Variants in FHIP2A observed in about 807,000 individuals in gnomAD.
FHIP2A encodes the protein FHF complex subunit HOOK interacting protein 2A.
FHIP2A carries 46 observed loss-of-function variants against 93.5 expected under a neutral mutation model. That is an observed-to-expected ratio of 0.49 (90% CI 0.39 to 0.63). The LOEUF (loss-of-function observed/expected upper bound fraction) is 0.63. FHIP2A is among the 20% of genes least tolerant of loss of function. The pLI is 0.00. For synonymous variants in FHIP2A, 332 were observed against 326.5 expected (o/e 1.02, Z -0.18); for missense variants, 769 against 909.7 (o/e 0.85, Z 1.99).
chr10:114,849,415 A>G (rs936658540), intron 13 of FHIP2A, among the ~76,000 whole-genome samples: 1 of 152,160 alleles, frequency 6.6e-6, no homozygotes, highest in Non-Finnish European at 1.5e-5. Flanking sequence ...ATTCACAAGT[A>G]TAGTCCCTCT....
chr10:114,888,308 G>A (rs1352428500), intron 16 of FHIP2A, among the ~76,000 whole-genome samples: 1 of 152,190 alleles, frequency 6.6e-6, no homozygotes, highest in African/African-American at 2.4e-5. Flanking sequence ...GAGATAATAA[G>A]AGGAGCATTC....
At chr10:114,892,496 G>A (rs141833582) in intron 16 of FHIP2A, among the ~76,000 whole-genome samples, 67 of 152,216 alleles carry the variant, frequency 4.4e-4, no homozygotes, top group African/African-American at 1.3e-3. Flanking sequence ...AAATTAGCTG[G>A]GCGAGGTGGC....
At chr10:114,883,802 A>G (rs2083928585) in intron 16 of FHIP2A, among the ~76,000 whole-genome samples, 1 of 151,952 alleles carries the variant, frequency 6.6e-6, no homozygotes, top group Admixed American at 6.6e-5. Flanking sequence ...CTGGTCTCGA[A>G]CTCCCGACCT....
intron 16 of FHIP2A, among the ~76,000 whole-genome samples, chr10:114,872,713 A>T (rs1040807565): frequency 6.6e-6 from 1 of 152,242 alleles, no homozygotes; most frequent in African/African-American, 2.4e-5. Flanking sequence ...ACTTGATTCC[A>T]TAGGCATTTC....
chr10:114,866,655 G>A (rs2083830709), downstream of FHIP2A, among the ~76,000 whole-genome samples: 1 of 152,002 alleles, frequency 6.6e-6, no homozygotes, highest in African/African-American at 2.4e-5. Flanking sequence ...AAATGATTTC[G>A]GCCCTAAAGA....
Position 114,849,807 on chromosome 10 carries a change from C to T in FHIP2A, c.1803+1070C>T, listed in dbSNP as rs564316726. Among the ~76,000 whole-genome samples the T allele has an allele frequency of 2.3e-3, 355 of 152,272 alleles. 3 individuals carry two copies. Among genetic ancestry groups the T allele is most frequent in the African/African-American group, 7.9e-3 (329 of 41,558 alleles). ...CCAACCCCCAGCCCTGGCAGCCGCT[C>T]ATCTACTTTTTGTCTCTATGACTTT... On this transcript the variant is annotated intron_variant, in intron 13 of 16. Coordinates refer to ENST00000369248, the MANE Select transcript of FHIP2A (RefSeq NM_020940.4).
chr10:114,847,323 C>T (rs2083707551), intron 12 of FHIP2A, 90 bp downstream of exon 12: 6 of 1,212,188 alleles, frequency 4.9e-6, no homozygotes, highest in Admixed American at 2.3e-5. Flanking sequence ...GAGTCTTGCT[C>T]TGTTGCCCAC....
At chr10:114,880,937 T>A (rs1234485656) in intron 16 of FHIP2A, among the ~76,000 whole-genome samples, 1 of 152,162 alleles carries the variant, frequency 6.6e-6, no homozygotes, top group Non-Finnish European at 1.5e-5. Context: ...CTTCCCTCCT[T>A]ACAAGGCCAT....
chr10:114,864,005 C>T lies in FHIP2A; in HGVS notation c.*2465C>T. The T allele has an allele frequency of 7.0e-6, 7 of 1,006,752 alleles. No individual in the cohort carries two copies. The highest frequency in any genetic ancestry group is 8.3e-6 in the Non-Finnish European group (7 of 843,144). The allele number at this position is 1,006,752 out of a possible 1,614,324, so 62.4% of individuals were successfully genotyped here. On this transcript the variant is annotated 3_prime_UTR_variant, in exon 17 of 17. Transcript: ENST00000369248. The stretch of plus-strand genomic sequence containing the variant: ...TTAGCCTATTGCCATATAGTACTCA[C>T]CTTATAACTATGTAACTTTCTCGTA...
rs35889495 is a variant in FHIP2A at position 114,884,911 on chromosome 10, C to CAAAA, written c.2193-14567_2193-14564dup. ...CCTGGGCGACAGAGTGAGACTCCATCAAAAAAAAAAAAAAAGCCAATATAT... is the reference window on the plus strand; with the variant it reads ...CCTGGGCGACAGAGTGAGACTCCATCAAAAAAAAAAAAAAAAAAAGCCAATATAT... On this transcript the variant is annotated intron_variant, in intron 16 of 16. Transcript: ENST00000369250. Among the ~76,000 whole-genome samples, 805 of 124,018 alleles carry CAAAA rather than the reference C, an allele frequency of 6.5e-3. 6 individuals carry two copies. Among genetic ancestry groups the CAAAA allele is most frequent in the African/African-American group, 0.023 (776 of 33,718 alleles). The allele number at this position is 124,018 out of a possible 152,430, so 81.4% of individuals were successfully genotyped here.
At chr10:114,870,941 A>G (rs553039031) in intron 16 of FHIP2A, among the ~76,000 whole-genome samples, 5 of 152,156 alleles carry the variant, frequency 3.3e-5, no homozygotes, top group East Asian at 3.9e-4. Flanking sequence ...AGAAAGAAGC[A>G]ACTTCCTTCC....
intron 7 of FHIP2A, among the ~76,000 whole-genome samples, chr10:114,845,068 C>T (rs2083692560): frequency 6.6e-6 from 1 of 151,980 alleles, no homozygotes; most frequent in Admixed American, 6.6e-5. Context: ...ACGTTGGCCT[C>T]CCAAAGTGCT....
intron 4 of FHIP2A, 93 bp downstream of exon 4, chr10:114,835,734 A>C: frequency 1.3e-6 from 1 of 796,494 alleles, no homozygotes; most frequent in Non-Finnish European, 1.9e-6. Flanking sequence ...AAAATAATGA[A>C]ATTATTCCAA....
intron 16 of FHIP2A, among the ~76,000 whole-genome samples, chr10:114,878,754 T>C (rs1026466449): frequency 4.3e-5 from 6 of 138,804 alleles, no homozygotes; most frequent in African/African-American, 1.3e-4. Context: ...CACTCCAGCC[T>C]GGGTGACAGA....
chr10:114,864,254 G>C lies in FHIP2A; in HGVS notation c.*2714G>C. ...CATGGTAATGTTTTCATAAATTATTGCATTAACATACAATTGCCATTTAAT... is the reference window on the plus strand; with the variant it reads ...CATGGTAATGTTTTCATAAATTATTCCATTAACATACAATTGCCATTTAAT... On this transcript the variant is annotated 3_prime_UTR_variant, in exon 17 of 17. Transcript: ENST00000369248. 1 of 983,168 alleles carries C rather than the reference G, an allele frequency of 1.0e-6. No homozygotes were observed. Among genetic ancestry groups the C allele is most frequent in the Non-Finnish European group, 1.2e-6 (1 of 827,612 alleles). The allele number at this position is 983,168 out of a possible 1,614,324, so 60.9% of individuals were successfully genotyped here.
rs1017997082 is a variant in FHIP2A at position 114,861,858 on chromosome 10, T to C, written c.*318T>C. On this transcript the variant is annotated 3_prime_UTR_variant, in exon 17 of 17. Coordinates refer to ENST00000369248, the MANE Select transcript of FHIP2A (RefSeq NM_020940.4). ...TGCAATATTTCCAATGTCATGACTTTGATGATATTTCTGTTATATTAATGT... is the reference window on the plus strand; with the variant it reads ...TGCAATATTTCCAATGTCATGACTTCGATGATATTTCTGTTATATTAATGT... 4.9e-6 allele frequency: 5 copies of C among 1,013,758 alleles called. No homozygotes were observed. The highest frequency in any genetic ancestry group is 4.7e-6 in the Non-Finnish European group (4 of 848,128). 62.8% of individuals were successfully genotyped at this position (1,013,758 alleles called of 1,614,324 possible).
intron 1 of FHIP2A, among the ~76,000 whole-genome samples, chr10:114,823,174 G>A (rs2083548999): frequency 6.6e-6 from 1 of 152,082 alleles, no homozygotes; most frequent in Non-Finnish European, 1.5e-5. Context: ...TTATGGGCAG[G>A]CAAAAATGGA....
intron 16 of FHIP2A, among the ~76,000 whole-genome samples, chr10:114,891,368 A>C (rs1386039625): frequency 6.6e-6 from 1 of 151,740 alleles, no homozygotes; most frequent in Non-Finnish European, 1.5e-5. Flanking sequence ...GAAACTGGGT[A>C]ATGTGTCCAT....
rs1216773850 is a variant in FHIP2A, at chr10:114,846,577, C to T, written c.1417C>T (p.Arg473Ter). Residue 473 changes from arginine to a stop codon, truncating the protein, a stop_gained, in exon 11 of 17, where the codon CGA becomes TGA. Coordinates refer to ENST00000369248, the MANE Select transcript of FHIP2A (RefSeq NM_020940.4). LOFTEE classifies it high-confidence loss of function. ...ISDEISIMTL[R>*]MFEHLLQKPN... is the part of the protein sequence containing the mutation. ...GTTTCAGATAAGCATAATGACATTA[C>T]GAATGTTTGAACATCTTTTACAAAA... is the stretch of plus-strand genomic sequence containing the variant. The T allele has an allele frequency of 7.5e-6, 12 of 1,599,852 alleles. No homozygotes were observed. The highest frequency in any genetic ancestry group is 9.4e-6 in the Non-Finnish European group (11 of 1,176,052).
Sources: allele counts gnomAD v4.1 joint callset (sites outside exome capture counted in the v4.1 genomes callset), GRCh38; gene constraint gnomAD v4.1.1; transcripts MANE v1.5; gene names NCBI Gene and HGNC (gene_info 2026-07-23, HGNC 2026-07-21).